SLC16A5: variants seen among roughly 807,000 people sequenced by gnomAD.
SLC16A5 encodes the protein monocarboxylate transporter 6.
SLC16A5 carries 29 observed loss-of-function variants against 33.2 expected under a neutral mutation model. That is an observed-to-expected ratio of 0.87 (90% CI 0.65 to 1.19). The LOEUF is 1.19. SLC16A5 is among the 50% of genes most tolerant of loss of function. SLC16A5 has a pLI of 0.00. For missense variants in SLC16A5, 606 were observed against 678.2 expected, an observed-to-expected ratio of 0.89 and a Z score of 1.18; for synonymous variants, 248 against 284.1, an observed-to-expected ratio of 0.87 and a Z score of 1.28.
chr17:75,105,435 C>G (rs1281679068), intron 6 of SLC16A5: 1 of 985,316 alleles, frequency 1.0e-6, no homozygotes, highest in Non-Finnish European at 1.2e-6. Flanking sequence ...CTCCCCATTC[C>G]TGTCCTCCAG....
intron 2 of SLC16A5, among the ~76,000 whole-genome samples, chr17:75,092,080 C>T (rs1447829877): frequency 6.6e-6 from 1 of 150,856 alleles, no homozygotes; most frequent in Non-Finnish European, 1.5e-5. Context: ...CATGTCTGCA[C>T]TGTGTGTGTC....
At chr17:75,105,094 T>G (rs1230746853) in intron 6 of SLC16A5, 1 of 984,926 alleles carries the variant, frequency 1.0e-6, no homozygotes, top group African/African-American at 1.7e-5. Context: ...CTGCCCCCAG[T>G]GAAGGTCATT....
Position 75,100,043 on chromosome 17 carries a change from C to T in SLC16A5, c.380C>T (p.Thr127Met), listed in dbSNP as rs553840529. 48 of 1,612,732 alleles carry T rather than the reference C, an allele frequency of 3.0e-5. No homozygotes were observed. Among genetic ancestry groups the T allele is most frequent in the Non-Finnish European group, 3.9e-5 (46 of 1,179,926 alleles). Reference sequence around the variant, plus strand: ...TGCTTCAGCTTCCAGTCAAGCATCACGGTGCTGGGCTTCTACTTTGTCCGC... The same window carrying T: ...TGCTTCAGCTTCCAGTCAAGCATCATGGTGCTGGGCTTCTACTTTGTCCGC... ...GMCFSFQSSI[T>M]VLGFYFVRRR... Residue 127 changes from threonine to methionine, a missense_variant, in exon 5 of 7, where the codon ACG becomes ATG. Transcript: ENST00000329783.
intron 3 of SLC16A5, among the ~76,000 whole-genome samples, chr17:75,094,123 T>G (rs1227024636): frequency 6.6e-6 from 1 of 152,182 alleles, no homozygotes; most frequent in Non-Finnish European, 1.5e-5. Context: ...GGGCGCTCAG[T>G]GCCAGGCTGG....
chr17:75,109,951 G>A (rs774547674), downstream of SLC16A5: 73 of 270,000 alleles, frequency 2.7e-4, no homozygotes, highest in Admixed American at 4.5e-4. The surrounding 1 kb of genome is among the most constrained non-coding windows in gnomAD (Gnocchi z 5.0). Context: ...GGGACAGCGC[G>A]GCTTCCGCCG....
At chr17:75,090,807 C>T (rs1262209582) in intron 2 of SLC16A5, among the ~76,000 whole-genome samples, 4 of 152,072 alleles carry the variant, frequency 2.6e-5, no homozygotes, top group Non-Finnish European at 5.9e-5. Context: ...TTCCTGGGCT[C>T]GGATTGGCCT....
At chr17:75,094,254 A>G (rs2073685320) in intron 3 of SLC16A5, among the ~76,000 whole-genome samples, 3 of 152,160 alleles carry the variant, frequency 2.0e-5, no homozygotes, top group East Asian at 3.9e-4. Flanking sequence ...CAGCTCCCAC[A>G]TGGAATAGCA....
In SLC16A5 at chr17:75,100,097, C is replaced by T. The variant is rs886562459; in HGVS notation, c.434C>T (p.Ser145Leu). The change falls in exon 5 of 7, where the codon TCG (serine) becomes TTG (leucine). Residue 145 changes from serine to leucine, a missense_variant. Coordinates refer to ENST00000329783, the MANE Select transcript of SLC16A5 (RefSeq NM_004695.4). Reference protein sequence around the residue: ...RRRVLANALASMGVSLGITLW... With the variant: ...RRRVLANALALMGVSLGITLW... ...CGGGTGCTGGCCAACGCGCTGGCCT[C>T]GATGGGCGTCTCCCTGGGCATCACC... is the stretch of plus-strand genomic sequence containing the variant. 7.4e-6 allele frequency: 12 copies of T among 1,613,904 alleles called. No homozygotes were observed. Among genetic ancestry groups the T allele is most frequent in the South Asian group, 2.2e-5 (2 of 91,068 alleles).
Position 75,100,320 on chromosome 17 carries a change from C to A in SLC16A5, c.657C>A (p.Cys219Ter). The A allele has an allele frequency of 6.2e-7, 1 of 1,614,182 alleles. No individual in the cohort carries two copies. The highest frequency in any genetic ancestry group is 1.1e-5 in the South Asian group (1 of 91,076). ...ETPALGCLAA[C>*]GRTIQRHLAF... is the part of the protein sequence containing the mutation. Reference sequence around the variant, plus strand: ...CTGCACTTGGCTGCCTGGCTGCATGCGGCCGGACCATCCAGCGCCACCTGG... The same window carrying A: ...CTGCACTTGGCTGCCTGGCTGCATGAGGCCGGACCATCCAGCGCCACCTGG... Residue 219 changes from cysteine (C) to a stop codon, truncating the protein, a stop_gained, in exon 5 of 7, where the codon TGC becomes TGA. Transcript: ENST00000329783. LOFTEE classifies it high-confidence loss of function.
At chr17:75,107,912 G>A (rs186063487), downstream of SLC16A5, among the ~76,000 whole-genome samples, 166 of 152,034 alleles carry the variant, frequency 1.1e-3, no homozygotes, top group African/African-American at 3.9e-3. Context: ...ACTCCAACCC[G>A]GGTGACAGAG....
chr17:75,093,654 G>A lies in SLC16A5; in HGVS notation c.18G>A (p.Glu6=), dbSNP rs1266082908. 4 of 1,612,358 alleles carry A rather than the reference G, an allele frequency of 2.5e-6. No individual in the cohort carries two copies. Among genetic ancestry groups the A allele is most frequent in the Non-Finnish European group, 3.4e-6 (4 of 1,179,938 alleles). Residue 6 remains glutamate, a synonymous_variant, in exon 3 of 7, where the codon GAG becomes GAA. Coordinates refer to ENST00000329783, the MANE Select transcript of SLC16A5 (RefSeq NM_004695.4). ...AGCAGAGGATGCCCCAGGCCCTGGA[G>A]CGTGCAGATGGCAGCTGGGCCTGGG... is the stretch of plus-strand genomic sequence containing the variant. MPQAL[E]RADGSWAWVV... is the part of the protein sequence containing the mutation.
chr17:75,090,333 G>A (rs1453969367), intron 2 of SLC16A5: 1 of 152,344 alleles, frequency 6.6e-6, no homozygotes, highest in Non-Finnish European at 1.5e-5. Context: ...TCCATACCGT[G>A]TATGTGACCT....
intron 2 of SLC16A5, among the ~76,000 whole-genome samples, chr17:75,092,306 G>A (rs2073649949): frequency 6.6e-6 from 1 of 151,416 alleles, no homozygotes; most frequent in East Asian, 1.9e-4. Flanking sequence ...TGTAGTATGT[G>A]TCTGTCAGTG....
chr17:75,090,749 G>A (rs764775534), intron 2 of SLC16A5, among the ~76,000 whole-genome samples: 3 of 152,076 alleles, frequency 2.0e-5, no homozygotes, highest in Non-Finnish European at 2.9e-5. Flanking sequence ...GTGAGCCACC[G>A]CACCCGGCCT....
chr17:75,095,742 C>A (rs546020652), intron 3 of SLC16A5, among the ~76,000 whole-genome samples: 2 of 151,932 alleles, frequency 1.3e-5, no homozygotes, highest in Non-Finnish European at 2.9e-5. Context: ...TCGCTGTAAC[C>A]TCCGCCTTCC....
rs1289918903 is a variant in SLC16A5 at position 75,093,729 on chromosome 17, C to T, written c.93C>T (p.Pro31=). The change falls in exon 3 of 7, where the codon CCC becomes CCT. Residue 31 remains proline (P), a synonymous_variant. Coordinates refer to ENST00000329783, the MANE Select transcript of SLC16A5 (RefSeq NM_004695.4). ...MVTQGLTLGF[P]TCIGIFFTEL... is the part of the protein sequence containing the mutation. Reference sequence around the variant, plus strand: ...CCCAGGGCCTCACCCTGGGCTTCCCCACGTGTATCGGCATCTTCTTCACTG... The same window carrying T: ...CCCAGGGCCTCACCCTGGGCTTCCCTACGTGTATCGGCATCTTCTTCACTG... 6.2e-7 allele frequency: 1 copy of T among 1,614,066 alleles called. No homozygotes were observed. Among genetic ancestry groups the T allele is most frequent in the African/African-American group, 1.3e-5 (1 of 74,928 alleles).
At chr17:75,097,533 A>T (rs1411163510) in intron 3 of SLC16A5, among the ~76,000 whole-genome samples, 1 of 139,308 alleles carries the variant, frequency 7.2e-6, no homozygotes, top group Non-Finnish European at 1.6e-5. Context: ...TAGGGCTGGG[A>T]AGGTGGTGGG....
intron 2 of SLC16A5, chr17:75,090,374 G>C (rs1038162223): frequency 6.6e-6 from 1 of 152,362 alleles, no homozygotes; most frequent in African/African-American, 2.4e-5. Flanking sequence ...GAGGAGACAG[G>C]GAAGGCCATG....
intron 3 of SLC16A5, among the ~76,000 whole-genome samples, chr17:75,095,412 G>A (rs557275258): frequency 6.6e-6 from 1 of 152,202 alleles, no homozygotes; most frequent in Non-Finnish European, 1.5e-5. Flanking sequence ...GGGATTCCTG[G>A]CTGGCCATCT....
Sources: gnomAD v4.1 joint callset for allele counts (sites outside exome capture counted in the v4.1 genomes callset) on GRCh38, gnomAD v4.1.1 for gene constraint, Gnocchi (gnomAD v3.1) non-coding constraint, MANE v1.5 for transcripts, NCBI Gene and HGNC (gene_info 2026-07-23, HGNC 2026-07-21) for gene names.